The following PCDHA1 variants were observed in gnomAD, a reference collection of about 807,000 sequenced individuals.
The protein encoded by PCDHA1 is protocadherin alpha-1.
In PCDHA1, 42 loss-of-function variants were observed where a neutral mutation model predicts 61.3. The ratio of observed to expected loss-of-function variants is 0.69; its 90% confidence interval spans 0.54 to 0.89. The LOEUF is 0.89. Ranked by LOEUF, PCDHA1 falls within the 40% of genes least tolerant of loss-of-function variation. The pLI is 0.00. For missense variants in PCDHA1, 1,256 were observed against 1,235.3 expected (o/e 1.02, Z -0.25); for synonymous variants, 610 against 553.8 (o/e 1.10, Z -1.43).
chr5:141,010,226 C>G lies in PCDHA1; in HGVS notation c.*289C>G, dbSNP rs1386050566. The G allele has an allele frequency of 1.3e-6, 2 of 1,551,706 alleles. No individual in the cohort carries two copies. Among genetic ancestry groups the G allele is most frequent in the Non-Finnish European group, 1.7e-6 (2 of 1,147,032 alleles). ...CGCCGCAAAGGAGAGGCTTCCCAGC[C>G]CCGCCAGTGAGAGGTTGGACTCTCT... On this transcript the variant is annotated 3_prime_UTR_variant, in exon 4 of 4. Coordinates refer to ENST00000504120, the MANE Select transcript of PCDHA1 (RefSeq NM_018900.4).
rs1375244170 is a variant in PCDHA1 at position 140,803,301 on chromosome 5, G to T, written c.2394+14617G>T. 4 of 1,613,996 alleles carry T rather than the reference G, an allele frequency of 2.5e-6. No individual in the cohort carries two copies. In the African/African-American group the frequency reaches 5.3e-5, roughly 22 times the overall value. ...GGTGGATGTCAACGTGTACTTGATC[G>T]TCGCCATCTGCGCGGTGTCCAGTCT... On this transcript the variant is annotated intron_variant, in intron 1 of 3. Transcript: ENST00000504120.
At chr5:140,971,366 G>A (rs1554233245) in intron 1 of PCDHA1, among the ~76,000 whole-genome samples, 1 of 152,186 alleles carries the variant, frequency 6.6e-6, no homozygotes, top group Non-Finnish European at 1.5e-5. Flanking sequence ...TTTGCCAGGA[G>A]AGTGCATGAC....
At chr5:140,829,858 A>C (rs2150176347) in intron 1 of PCDHA1, 8 of 1,613,912 alleles carry the variant, frequency 5.0e-6, no homozygotes, top group Admixed American at 1.7e-5. Flanking sequence ...GTGCAGGCCA[A>C]GTGGTGGCGA....
At chr5:140,946,801 G>C (rs2094030166) in intron 1 of PCDHA1, among the ~76,000 whole-genome samples, 1 of 151,430 alleles carries the variant, frequency 6.6e-6, no homozygotes, top group African/African-American at 2.4e-5. Flanking sequence ...TAGAAGCAGA[G>C]AGTATAACAG....
In PCDHA1 at chr5:140,787,885, A is replaced by G. The variant is rs782602740; in HGVS notation, c.1595A>G (p.Gln532Arg). 5.6e-6 allele frequency: 9 copies of G among 1,613,368 alleles called. No individual in the cohort carries two copies. The South Asian group carries it at 6.6e-5, about 12-fold the overall frequency. The change falls in exon 1 of 4, where the codon CAG (glutamine) becomes CGG (arginine). Residue 532 changes from glutamine to arginine, a missense_variant. Coordinates refer to ENST00000504120, the MANE Select transcript of PCDHA1 (RefSeq NM_018900.4). ...PLDHEELELLQFQVSARDAGV... is the reference protein window; with the variant it reads ...PLDHEELELLRFQVSARDAGV... Reference sequence around the variant, plus strand: ...GACCACGAGGAGCTGGAGCTGCTGCAGTTCCAGGTGAGCGCGCGGGATGCG... The same window carrying G: ...GACCACGAGGAGCTGGAGCTGCTGCGGTTCCAGGTGAGCGCGCGGGATGCG...
rs386352344 is a variant in PCDHA1 at position 140,795,974 on chromosome 5, C to A, written c.2394+7290C>A. 1 of 1,614,164 alleles carries A rather than the reference C, an allele frequency of 6.2e-7. No homozygotes were observed. The highest frequency in any genetic ancestry group is 1.1e-5 in the South Asian group (1 of 91,084). On this transcript the variant is annotated intron_variant, in intron 1 of 3. Transcript: ENST00000504120. Reference sequence around the variant, plus strand: ...TCAATGTCAGGACATTGTAAAATTTCATTAAAACTTGTGGACATCAATGAT... The same window carrying A: ...TCAATGTCAGGACATTGTAAAATTTAATTAAAACTTGTGGACATCAATGAT...
At chr5:140,871,077 G>GACGGCC (rs782552854) in intron 1 of PCDHA1, 6 of 1,613,222 alleles carry the variant, frequency 3.7e-6, no homozygotes, top group Non-Finnish European at 5.1e-6. Context: ...AGCCGGCGCT[G>GACGGCC]ACGGCCACGG....
rs1554117894 is a variant in PCDHA1 at position 140,787,613 on chromosome 5, G to A, written c.1323G>A (p.Val441=). The change falls in exon 1 of 4, where the codon GTG becomes GTA. Residue 441 remains valine (V), a synonymous_variant. Transcript: ENST00000504120. ...CTTCGCTGTGGGCCACGGCCAGGGT[G>A]TCCGTGGAGGTGGCCGACGTGAATG... ...GSPSLWATAR[V]SVEVADVNDN... is the part of the protein sequence containing the mutation. 2.5e-6 allele frequency: 4 copies of A among 1,614,002 alleles called. No individual in the cohort carries two copies. The highest frequency in any genetic ancestry group is 4.5e-5 in the East Asian group (2 of 44,894).
At chr5:140,865,398 G>T (rs1554159421) in intron 1 of PCDHA1, 1 of 152,138 alleles carries the variant, frequency 6.6e-6, no homozygotes, top group African/African-American at 2.4e-5. Flanking sequence ...TAATATAAAT[G>T]CTGAAAAGGA....
chr5:140,796,376 G>T (rs1359187318), intron 1 of PCDHA1: 2 of 1,613,308 alleles, frequency 1.2e-6, no homozygotes, highest in Non-Finnish European at 1.7e-6. Flanking sequence ...AACCCGCCGG[G>T]CTGCCACATC....
chr5:140,829,793 C>A (rs1369213842), intron 1 of PCDHA1: 2 of 1,613,818 alleles, frequency 1.2e-6, no homozygotes, highest in African/African-American at 2.7e-5. Context: ...GCTGCTGGCG[C>A]CTCGGGTGGG....
chr5:140,825,433 A>G (rs1554130246), intron 1 of PCDHA1: 1 of 147,668 alleles, frequency 6.8e-6, no homozygotes, highest in Non-Finnish European at 1.5e-5. Flanking sequence ...TAATAAATAT[A>G]TAATAATAAT....
intron 1 of PCDHA1, among the ~76,000 whole-genome samples, chr5:140,898,087 T>C (rs1480771668): frequency 2.6e-5 from 4 of 152,150 alleles, no homozygotes; most frequent in Non-Finnish European, 5.9e-5. Flanking sequence ...TTCTGGATAT[T>C]AGCCCTTTGT....
chr5:140,876,928 A>G lies in PCDHA1; in HGVS notation c.2394+88244A>G, dbSNP rs188405716. On this transcript the variant is annotated intron_variant, in intron 1 of 3. Coordinates refer to ENST00000504120, the MANE Select transcript of PCDHA1 (RefSeq NM_018900.4). ...GTCGGCATGGGACGCGGACGCGCAG[A>G]AGAACGCGCTGGTGTCCTACTCGCT... The G allele has an allele frequency of 1.9e-5, 31 of 1,613,808 alleles. No individual in the cohort carries two copies. In the African/African-American group the frequency reaches 2.4e-4, roughly 12 times the overall value.
At chr5:140,887,770 G>A (rs2061571546) in intron 1 of PCDHA1, among the ~76,000 whole-genome samples, 2 of 152,072 alleles carry the variant, frequency 1.3e-5, no homozygotes, top group South Asian at 4.1e-4. Flanking sequence ...ATGTTACAAT[G>A]ACACAGGTCA....
chr5:140,842,566 C>G (rs782225990), intron 1 of PCDHA1: 19 of 1,503,446 alleles, frequency 1.3e-5, no homozygotes, highest in Non-Finnish European at 1.4e-5. Context: ...CCCTGGACCG[C>G]GAGAGAGTGT....
chr5:140,812,237 G>A (rs2126636620), intron 1 of PCDHA1: 1 of 151,596 alleles, frequency 6.6e-6, no homozygotes, highest in African/African-American at 2.4e-5. Flanking sequence ...ATTATGTCTT[G>A]GTAGTTTGTA....
Position 140,856,457 on chromosome 5 carries a change from C to T in PCDHA1, c.2394+67773C>T, listed in dbSNP as rs1383276232. On this transcript the variant is annotated intron_variant, in intron 1 of 3. Coordinates refer to ENST00000504120, the MANE Select transcript of PCDHA1 (RefSeq NM_018900.4). ...CCCGCCCAGGTTCTCCGTAACAGAACAAAAGCTCTCAATACCTGAATCCAG... is the reference window on the plus strand; with the variant it reads ...CCCGCCCAGGTTCTCCGTAACAGAATAAAAGCTCTCAATACCTGAATCCAG... 12 of 1,598,330 alleles carry T rather than the reference C, an allele frequency of 7.5e-6. 1 individual carries two copies. The highest frequency in any genetic ancestry group is 1.0e-5 in the Non-Finnish European group (12 of 1,167,902).
chr5:140,982,324 C>G, intron 2 of PCDHA1, 151 bp from the exon 3 acceptor site: 2 of 1,393,878 alleles, frequency 1.4e-6, no homozygotes, highest in East Asian at 5.1e-5. Context: ...TGCAGGGTGA[C>G]TGCTCAGCAG....
Sources: gnomAD v4.1 joint callset for allele counts (sites outside exome capture counted in the v4.1 genomes callset) on GRCh38, gnomAD v4.1.1 for gene constraint, MANE v1.5 for transcripts, NCBI Gene and HGNC (gene_info 2026-07-23, HGNC 2026-07-21) for gene names.